LIMK2: variants seen among roughly 807,000 people sequenced by gnomAD.
LIMK2 encodes the protein LIM domain kinase 2.
LIMK2 carries 35 observed loss-of-function variants against 75.7 expected under a neutral mutation model. That is an observed-to-expected ratio of 0.46 (90% CI 0.35 to 0.61). The LOEUF is 0.61. Among genes scored for constraint, LIMK2 ranks in the 20% least tolerant of loss-of-function variants. LIMK2 has a pLI of 0.00. For missense variants in LIMK2, 623 were observed against 831.0 expected, an observed-to-expected ratio of 0.75 and a Z score of 3.08; for synonymous variants, 301 against 319.2, an observed-to-expected ratio of 0.94 and a Z score of 0.61.
intron 2 of LIMK2, among the ~76,000 whole-genome samples, chr22:31,250,849 G>T (rs1400158934): frequency 1.3e-5 from 2 of 152,214 alleles, no homozygotes; most frequent in Non-Finnish European, 2.9e-5. Context: ...CAGGGTCCTT[G>T]CTGGATTCTG....
intron 2 of LIMK2, among the ~76,000 whole-genome samples, chr22:31,227,517 T>A (rs755273472): frequency 6.8e-4 from 104 of 152,362 alleles, no homozygotes; most frequent in Non-Finnish European, 1.2e-3. Flanking sequence ...TTTCTGTGGA[T>A]CTTATTGCCT....
chr22:31,236,207 A>G (rs977469190), intron 2 of LIMK2, among the ~76,000 whole-genome samples: 3 of 150,592 alleles, frequency 2.0e-5, no homozygotes, highest in African/African-American at 7.4e-5. Flanking sequence ...GGCGGGAGAA[A>G]CACTTGAACC....
intron 15 of LIMK2, chr22:31,277,602 A>G: frequency 1.1e-6 from 1 of 925,168 alleles, no homozygotes; most frequent in Non-Finnish European, 1.3e-6. Context: ...GTCATTCTAA[A>G]TATCTTTAAT....
intron 13 of LIMK2, chr22:31,272,906 T>G (rs2048974513): frequency 7.4e-7 from 1 of 1,353,688 alleles, no homozygotes; most frequent in African/African-American, 1.5e-5. Flanking sequence ...TGTCCCATCA[T>G]GGGGGATAAG....
intron 2 of LIMK2, among the ~76,000 whole-genome samples, chr22:31,257,531 G>A (rs1028751827): frequency 6.6e-6 from 1 of 151,914 alleles, no homozygotes; most frequent in Non-Finnish European, 1.5e-5. Flanking sequence ...GAAAATTCAC[G>A]GCAATTTTAC....
At position 31,258,345 on chromosome 22, in the gene LIMK2, G is replaced by T; in HGVS notation, c.171G>T (p.Lys57Asn). The change falls in exon 3 of 16, where the codon AAG becomes AAT. Residue 57 changes from lysine (K) to asparagine (N), a missense_variant. Lys to Asn is a moderately conservative substitution (Grantham distance 94). Transcript: ENST00000331728. ...LTNWYYEKDGKLYCPKDYWGK... is the reference protein window; with the variant it reads ...LTNWYYEKDGNLYCPKDYWGK... Reference sequence around the variant, plus strand: ...ACTGGTACTATGAGAAGGATGGGAAGCTCTACTGCCCCAAGGACTACTGGG... The same window carrying T: ...ACTGGTACTATGAGAAGGATGGGAATCTCTACTGCCCCAAGGACTACTGGG... 2 of 1,613,644 alleles carry T rather than the reference G, an allele frequency of 1.2e-6. No homozygotes were observed. Among genetic ancestry groups the T allele is most frequent in the Non-Finnish European group, 1.7e-6 (2 of 1,179,650 alleles).
At chr22:31,254,678 G>A (rs1033783134) in intron 2 of LIMK2, among the ~76,000 whole-genome samples, 2 of 152,184 alleles carry the variant, frequency 1.3e-5, no homozygotes, top group Admixed American at 1.3e-4. Flanking sequence ...CTCACTGCAG[G>A]CCAGGCATAG....
chr22:31,224,505 C>T (rs2048462744), intron 1 of LIMK2, among the ~76,000 whole-genome samples: 1 of 152,166 alleles, frequency 6.6e-6, no homozygotes, highest in Admixed American at 6.5e-5. Context: ...AGCTAGTCAA[C>T]CCTGCCCCCT....
chr22:31,250,429 C>T (rs888876222), intron 2 of LIMK2, among the ~76,000 whole-genome samples: 1 of 152,130 alleles, frequency 6.6e-6, no homozygotes, highest in Admixed American at 6.5e-5. Context: ...CCTTTAAGGG[C>T]CAGACCACTA....
intron 1 of LIMK2, among the ~76,000 whole-genome samples, chr22:31,215,196 A>G (rs565783676): frequency 2.6e-5 from 4 of 152,232 alleles, no homozygotes; most frequent in Admixed American, 6.5e-5. Context: ...TCCAACTTCA[A>G]GTTTAGTGCT....
intron 2 of LIMK2, among the ~76,000 whole-genome samples, chr22:31,255,956 C>G (rs2048774023): frequency 8.8e-6 from 1 of 113,804 alleles, no homozygotes; most frequent in South Asian, 3.2e-4. Flanking sequence ...TTAACACATA[C>G]TGAGTTTCTA....
intron 15 of LIMK2, chr22:31,277,362 T>A: frequency 7.3e-7 from 1 of 1,369,482 alleles, no homozygotes; most frequent in Non-Finnish European, 9.4e-7. Context: ...TTATATTGAC[T>A]CTGCGGCACG....
intron 1 of LIMK2, among the ~76,000 whole-genome samples, chr22:31,219,638 C>A (rs922331275): frequency 1.3e-5 from 2 of 152,158 alleles, no homozygotes; most frequent in Non-Finnish European, 2.9e-5. Context: ...GTGGCACGAT[C>A]TCGGCTCACT....
At chr22:31,277,449 C>T (rs2049042770) in intron 15 of LIMK2, 1 of 1,151,356 alleles carries the variant, frequency 8.7e-7, no homozygotes, top group South Asian at 2.5e-5. Flanking sequence ...TCCAGCGGTC[C>T]ACATTAGAGT....
chr22:31,224,020 CAG>C (rs1349120394), intron 1 of LIMK2, among the ~76,000 whole-genome samples: 1 of 152,170 alleles, frequency 6.6e-6, no homozygotes, highest in Non-Finnish European at 1.5e-5. Flanking sequence ...GCCTGTGAAA[CAG>C]GGTTCGGTGA....
chr22:31,260,171 T>C, intron 5 of LIMK2, 94 bp downstream of exon 5: 2 of 1,021,056 alleles, frequency 2.0e-6, no homozygotes, highest in South Asian at 1.7e-5. Context: ...CATGCAGAAC[T>C]CCCTTTATTC....
intron 1 of LIMK2, among the ~76,000 whole-genome samples, chr22:31,216,753 T>G (rs1452261915): frequency 6.6e-6 from 1 of 152,184 alleles, no homozygotes; most frequent in Non-Finnish European, 1.5e-5. Flanking sequence ...GTGGATTTTC[T>G]GCATCTTCTG....
chr22:31,225,910 A>G (rs976488093), intron 2 of LIMK2, 91 bp downstream of exon 2: 1 of 981,998 alleles, frequency 1.0e-6, no homozygotes, highest in Non-Finnish European at 1.6e-6. Context: ...CAAGCTTCTG[A>G]GTTGAGAATT....
chr22:31,241,938 G>A (rs1279788398), intron 2 of LIMK2, among the ~76,000 whole-genome samples: 3 of 152,132 alleles, frequency 2.0e-5, no homozygotes, highest in Non-Finnish European at 4.4e-5. Context: ...CTGCTGGGAA[G>A]GGCAGCACTG....
Sources: gnomAD v4.1 joint callset for allele counts (sites outside exome capture counted in the v4.1 genomes callset) on GRCh38, gnomAD v4.1.1 for gene constraint, MANE v1.5 for transcripts, NCBI Gene and HGNC (gene_info 2026-07-23, HGNC 2026-07-21) for gene names.